The following CDC42BPA variants were observed in gnomAD, a reference collection of about 807,000 sequenced individuals.
CDC42BPA encodes CDC42 binding protein kinase alpha.
In CDC42BPA, 80 loss-of-function variants were observed where a neutral mutation model predicts 223.5. That is an observed-to-expected ratio of 0.36 (90% confidence interval 0.30 to 0.43). CDC42BPA has a LOEUF of 0.43. CDC42BPA is among the 20% of genes least tolerant of loss of function. The probability of loss-of-function intolerance (pLI) is 1.00; values close to 1 mark genes in which losing one functional copy is unlikely to be tolerated. For synonymous variants in CDC42BPA, 694 were observed against 718.6 expected, an observed-to-expected ratio of 0.97 and a Z score of 0.55; for missense variants, 1,743 against 2,099.9, an observed-to-expected ratio of 0.83 and a Z score of 3.32.
chr1:227,023,442 T>C, intron 31 of CDC42BPA, 95 bp from the exon 32 acceptor site: 1 of 569,494 alleles, frequency 1.8e-6, no homozygotes, highest in Non-Finnish European at 3.0e-6. Context: ...TTATTAAGAC[T>C]TCTCATTTAT....
intron 2 of CDC42BPA, among the ~76,000 whole-genome samples, chr1:227,245,180 G>C (rs1376753938): frequency 1.3e-5 from 2 of 151,652 alleles, no homozygotes; most frequent in African/African-American, 4.8e-5. Flanking sequence ...GGCATCAGCT[G>C]TCCATCCCCC....
intron 10 of CDC42BPA, among the ~76,000 whole-genome samples, chr1:227,130,664 G>A (rs573051188): frequency 6.6e-6 from 1 of 152,120 alleles, no homozygotes; most frequent in Non-Finnish European, 1.5e-5. Flanking sequence ...AGATCAGCCT[G>A]GCCAACATGG....
At chr1:227,284,339 G>C (rs1420755041) in intron 1 of CDC42BPA, among the ~76,000 whole-genome samples, 2 of 152,064 alleles carry the variant, frequency 1.3e-5, no homozygotes, top group East Asian at 3.9e-4. Flanking sequence ...TCATAATCTA[G>C]AAATTTAGTT....
At chr1:227,300,894 A>G (rs1691514600) in intron 1 of CDC42BPA, among the ~76,000 whole-genome samples, 1 of 152,242 alleles carries the variant, frequency 6.6e-6, no homozygotes, top group South Asian at 2.1e-4. Context: ...AAGAGCGGGT[A>G]AGCGCTGCTA....
At chr1:227,153,722 A>G (rs1200325396) in intron 6 of CDC42BPA, among the ~76,000 whole-genome samples, 2 of 151,970 alleles carry the variant, frequency 1.3e-5, no homozygotes, top group Non-Finnish European at 2.9e-5. Flanking sequence ...TATAATCATT[A>G]AAAATTTGAA....
intron 5 of CDC42BPA, among the ~76,000 whole-genome samples, chr1:227,188,809 G>A (rs1034853234): frequency 6.6e-6 from 1 of 152,108 alleles, no homozygotes; most frequent in African/African-American, 2.4e-5. Context: ...CCTACAGAAC[G>A]TACAACACCA....
chr1:227,059,694 A>G (rs1411389006), intron 21 of CDC42BPA, among the ~76,000 whole-genome samples: 1 of 152,204 alleles, frequency 6.6e-6, no homozygotes, highest in African/African-American at 2.4e-5. Context: ...TTTTCTGGAA[A>G]GGTTGGCAGT....
chr1:227,242,704 A>G (rs1189752688), intron 2 of CDC42BPA, among the ~76,000 whole-genome samples: 2 of 151,980 alleles, frequency 1.3e-5, no homozygotes, highest in Non-Finnish European at 2.9e-5. Flanking sequence ...TGGGGCAGAT[A>G]AAAAAAAGAA....
chr1:227,302,817 T>C (rs907734314), intron 1 of CDC42BPA, among the ~76,000 whole-genome samples: 3 of 152,126 alleles, frequency 2.0e-5, no homozygotes, highest in African/African-American at 7.2e-5. Context: ...TCTATCTCTC[T>C]GTGGCTTTTT....
At chr1:226,998,756 C>T (rs1662149269) in intron 35 of CDC42BPA, among the ~76,000 whole-genome samples, 1 of 152,170 alleles carries the variant, frequency 6.6e-6, no homozygotes, top group Non-Finnish European at 1.5e-5. Context: ...ATGACTACAA[C>T]ACCAAAAGCA....
At chr1:227,260,956 A>G (rs1000202488) in intron 1 of CDC42BPA, among the ~76,000 whole-genome samples, 2 of 150,978 alleles carry the variant, frequency 1.3e-5, no homozygotes, top group Non-Finnish European at 2.9e-5. Flanking sequence ...ATTCTGTAAT[A>G]CTGTGACTAT....
chr1:227,272,336 G>A (rs1270640052), intron 1 of CDC42BPA, among the ~76,000 whole-genome samples: 1 of 152,010 alleles, frequency 6.6e-6, no homozygotes, highest in African/African-American at 2.4e-5. Context: ...TCTTTGGATG[G>A]GGAAGAAGTT....
chr1:227,112,332 T>C lies in CDC42BPA; in HGVS notation c.1981A>G (p.Asn661Asp), dbSNP rs1472536063. The change falls in exon 14 of 37, where the codon AAT becomes GAT. Residue 661 changes from asparagine (N) to aspartate (D), a missense_variant. Transcript: ENST00000366766. ...GATACCTTCAGTCCCTCCAATTCAT[T>C]TTCCAGTTGCTTAGAATAGTGCTCA... ...QSEHYSKQLE[N>D]ELEGLKQKQI... 6.3e-7 allele frequency: 1 copy of C among 1,593,376 alleles called. No individual in the cohort carries two copies. The highest frequency in any genetic ancestry group is 8.6e-7 in the Non-Finnish European group (1 of 1,169,300).
chr1:227,201,758 T>C (rs1256491292), intron 3 of CDC42BPA, among the ~76,000 whole-genome samples: 1 of 139,474 alleles, frequency 7.2e-6, no homozygotes, highest in Non-Finnish European at 1.5e-5. Flanking sequence ...CAAATGAGAT[T>C]ATAGTGCTCT....
chr1:227,226,889 T>C (rs1276499957), intron 2 of CDC42BPA, among the ~76,000 whole-genome samples: 1 of 152,022 alleles, frequency 6.6e-6, no homozygotes, highest in Non-Finnish European at 1.5e-5. Context: ...ATGAACAGAA[T>C]AGGGTTAGAT....
intron 35 of CDC42BPA, among the ~76,000 whole-genome samples, chr1:227,001,979 C>CA (rs1363051344): frequency 1.3e-5 from 2 of 152,020 alleles, no homozygotes; most frequent in African/African-American, 4.8e-5. Flanking sequence ...CAACAAAACC[C>CA]AAAAAAATCC....
chr1:227,104,368 T>C (rs968138396), intron 14 of CDC42BPA, among the ~76,000 whole-genome samples: 28 of 152,206 alleles, frequency 1.8e-4, no homozygotes, highest in Admixed American at 9.8e-4. Flanking sequence ...CAATAGAAAA[T>C]TGGTTATGCG....
At chr1:227,040,479 A>C (rs886089813) in intron 23 of CDC42BPA, among the ~76,000 whole-genome samples, 5 of 152,210 alleles carry the variant, frequency 3.3e-5, no homozygotes, top group Non-Finnish European at 7.4e-5. Flanking sequence ...GCCATTTTAA[A>C]AGTATATAAA....
At chr1:227,162,098 T>A (rs930187651) in intron 5 of CDC42BPA, among the ~76,000 whole-genome samples, 6 of 152,176 alleles carry the variant, frequency 3.9e-5, no homozygotes, top group Admixed American at 6.5e-5. Flanking sequence ...GAATTACTTC[T>A]ACTGGTATAG....
Sources: allele counts gnomAD v4.1 joint callset (sites outside exome capture counted in the v4.1 genomes callset), GRCh38; gene constraint gnomAD v4.1.1; transcripts MANE v1.5; gene names NCBI Gene and HGNC (gene_info 2026-07-23, HGNC 2026-07-21).